TRAPPC9: variants seen among roughly 807,000 people sequenced by gnomAD.
The protein encoded by TRAPPC9 is IKK2 binding protein.
In TRAPPC9, 83 loss-of-function variants were observed where a neutral mutation model predicts 124.0. The ratio of observed to expected loss-of-function variants is 0.67; its 90% CI spans 0.56 to 0.80. TRAPPC9 has a LOEUF of 0.80. TRAPPC9 is among the 30% of genes least tolerant of loss of function. The pLI, the probability that TRAPPC9 is intolerant of heterozygous loss-of-function variation, is 0.00. For missense variants in TRAPPC9, 1,302 were observed against 1,508.3 expected (o/e 0.86, Z 2.27); for synonymous variants, 638 against 617.5 (o/e 1.03, Z -0.49).
intron 17 of TRAPPC9, among the ~76,000 whole-genome samples, chr8:140,080,910 G>C (rs1406757073): frequency 6.6e-6 from 1 of 152,142 alleles, no homozygotes; most frequent in East Asian, 1.9e-4. Context: ...GAGCACAAAG[G>C]GTTTCATGTC....
At chr8:140,118,831 G>A (rs535776621) in intron 17 of TRAPPC9, among the ~76,000 whole-genome samples, 1 of 152,316 alleles carries the variant, frequency 6.6e-6, no homozygotes, top group South Asian at 2.1e-4. Context: ...GTACACACTG[G>A]TGCAGAAAGC....
At chr8:139,889,796 C>A (rs1830222070) in intron 20 of TRAPPC9, among the ~76,000 whole-genome samples, 1 of 152,214 alleles carries the variant, frequency 6.6e-6, no homozygotes, top group Non-Finnish European at 1.5e-5. Context: ...GCTCAGGAAG[C>A]ACTGGACAAG....
At chr8:139,919,239 A>G (rs1439056822) in intron 19 of TRAPPC9, among the ~76,000 whole-genome samples, 2 of 152,202 alleles carry the variant, frequency 1.3e-5, no homozygotes, top group Non-Finnish European at 2.9e-5. Context: ...GACCGGAGGC[A>G]AGTCACTTGA....
intron 15 of TRAPPC9, among the ~76,000 whole-genome samples, chr8:140,261,811 T>A (rs2064424499): frequency 6.6e-6 from 1 of 152,130 alleles, no homozygotes; most frequent in Admixed American, 6.5e-5. Flanking sequence ...GGCTGCAGGA[T>A]GCGTCAGACA....
chr8:140,346,687 A>C (rs1412581183), intron 9 of TRAPPC9, among the ~76,000 whole-genome samples: 1 of 152,202 alleles, frequency 6.6e-6, no homozygotes, highest in Admixed American at 6.5e-5. Context: ...TCCCTGTCTA[A>C]CCCATCTAAC....
At position 140,293,456 on chromosome 8, in the gene TRAPPC9, G is replaced by A. The variant is rs2065719230; in HGVS notation, c.1769-2378C>T. On this transcript the variant is annotated intron_variant, in intron 11 of 22. Coordinates refer to ENST00000438773, the MANE Select transcript of TRAPPC9 (RefSeq NM_001160372.4). ...CACTATTCACAATAGCAAAGACTTG[G>A]AACCAACCCAAATGTCCAACAATGA... Among the ~76,000 whole-genome samples the A allele has an allele frequency of 3.9e-5, 6 of 152,084 alleles. 1 individual carries two copies. The South Asian group carries it at 1.2e-3, about 32-fold the overall frequency.
At chr8:140,131,616 C>A (rs1313600505) in intron 17 of TRAPPC9, among the ~76,000 whole-genome samples, 2 of 152,208 alleles carry the variant, frequency 1.3e-5, no homozygotes, top group Non-Finnish European at 2.9e-5. Context: ...CCGTCCTAGA[C>A]AACCCTGCCA....
chr8:140,065,329 T>C (rs1258855001), intron 17 of TRAPPC9, among the ~76,000 whole-genome samples: 1 of 152,234 alleles, frequency 6.6e-6, no homozygotes, highest in East Asian at 1.9e-4. Flanking sequence ...CAAGTGCTGA[T>C]GAAGAGGCTG....
At chr8:140,120,934 T>C (rs984570998) in intron 17 of TRAPPC9, among the ~76,000 whole-genome samples, 3 of 152,234 alleles carry the variant, frequency 2.0e-5, no homozygotes, top group African/African-American at 7.2e-5. Flanking sequence ...CAGCCATCCA[T>C]CCAACATCAT....
intron 17 of TRAPPC9, among the ~76,000 whole-genome samples, chr8:140,084,264 A>G (rs1457020935): frequency 1.3e-5 from 2 of 152,232 alleles, no homozygotes; most frequent in African/African-American, 2.4e-5. Flanking sequence ...TTATACTGCT[A>G]TAATGAAAAT....
chr8:140,315,192 T>C (rs937296675), intron 9 of TRAPPC9, among the ~76,000 whole-genome samples: 1 of 151,920 alleles, frequency 6.6e-6, no homozygotes, highest in Non-Finnish European at 1.5e-5. Flanking sequence ...TGATTAGTGA[T>C]GTTAAGCATT....
chr8:140,417,191 AC>A (rs2069965068), intron 5 of TRAPPC9, among the ~76,000 whole-genome samples: 1 of 152,338 alleles, frequency 6.6e-6, no homozygotes, highest in African/African-American at 2.4e-5. Context: ...AGCAGTGGCA[AC>A]AAAAGCCAAA....
At chr8:139,808,094 C>T (rs1002736161) in intron 21 of TRAPPC9, among the ~76,000 whole-genome samples, 5 of 152,180 alleles carry the variant, frequency 3.3e-5, no homozygotes, top group Admixed American at 6.5e-5. Flanking sequence ...CAAGTGGGTG[C>T]GGCCTGACCC....
intron 19 of TRAPPC9, among the ~76,000 whole-genome samples, chr8:139,936,245 G>A (rs978202423): frequency 6.6e-6 from 1 of 152,254 alleles, no homozygotes; most frequent in Non-Finnish European, 1.5e-5. Flanking sequence ...TCCTGCTGAA[G>A]GAGGATTTAG....
At chr8:140,309,810 C>T (rs2066242845) in intron 10 of TRAPPC9, among the ~76,000 whole-genome samples, 2 of 152,250 alleles carry the variant, frequency 1.3e-5, no homozygotes, top group East Asian at 1.9e-4. Context: ...AGAGCAGCCA[C>T]GCCCTTCCTG....
At chr8:139,795,330 T>G (rs1397862450) in intron 21 of TRAPPC9, among the ~76,000 whole-genome samples, 1 of 151,978 alleles carries the variant, frequency 6.6e-6, no homozygotes, top group African/African-American at 2.4e-5. Flanking sequence ...ATCCCGTGTT[T>G]GCAGTTAATT....
At chr8:139,948,248 A>C (rs1166156772) in intron 19 of TRAPPC9, among the ~76,000 whole-genome samples, 4 of 144,620 alleles carry the variant, frequency 2.8e-5, no homozygotes, top group African/African-American at 7.9e-5. Context: ...TGGTTCATAA[A>C]ACACACACAC....
intron 20 of TRAPPC9, among the ~76,000 whole-genome samples, chr8:139,897,253 G>A (rs1830721138): frequency 6.6e-6 from 1 of 152,190 alleles, no homozygotes; most frequent in East Asian, 1.9e-4. Flanking sequence ...CACATGCCCT[G>A]CTGGTCAAAC....
chr8:140,451,274 T>A lies in TRAPPC9; in HGVS notation c.100A>T (p.Ile34Phe), dbSNP rs201797522. Reference sequence around the variant, plus strand: ...CTCACAGAGCAAATCCTCTTATAGATCCTGAAGAAGTTCTCCTCGGAGACG... The same window carrying A: ...CTCACAGAGCAAATCCTCTTATAGAACCTGAAGAAGTTCTCCTCGGAGACG... ...GIVSEENFFR[I>F]YKRICSVSQI... Residue 34 changes from isoleucine (I) to phenylalanine (F), a missense_variant, in exon 2 of 23, where the codon ATC becomes TTC. By Grantham distance (21) the Ile-to-Phe change is conservative. Transcript: ENST00000438773. 15 of 1,612,452 alleles carry A rather than the reference T, an allele frequency of 9.3e-6. No homozygotes were observed. The highest frequency in any genetic ancestry group is 2.2e-5 in the East Asian group (1 of 44,890).
Sources: gnomAD v4.1 joint callset for allele counts (sites outside exome capture counted in the v4.1 genomes callset) on GRCh38, gnomAD v4.1.1 for gene constraint, MANE v1.5 for transcripts, NCBI Gene and HGNC (gene_info 2026-07-23, HGNC 2026-07-21) for gene names.